Variants in STARD9 observed in about 807,000 individuals in gnomAD.
The protein encoded by STARD9 is StAR related lipid transfer domain containing 9.
Under a neutral mutation model 399.8 loss-of-function variants are expected in STARD9, and 346 were observed. The observed-to-expected ratio is 0.87, with a 90% CI of 0.79 to 0.95. The LOEUF is 0.95. STARD9 is among the 40% of genes least tolerant of loss of function. The pLI is 0.00. For missense variants in STARD9, 5,832 were observed against 5,667.5 expected (o/e 1.03, Z -0.93); for synonymous variants, 2,203 against 2,143.5 (o/e 1.03, Z -0.77).
intron 26 of STARD9, 69 bp downstream of exon 26, chr15:42,695,949 T>TGTGCCTCCTGGAGTTTGGGCAAGACGCC (rs1370670101): frequency 6.8e-7 from 1 of 1,471,022 alleles, no homozygotes; most frequent in African/African-American, 1.5e-5. Flanking sequence ...AGCAGGACGC[T>TGTGCCTCCTGGAGTTTGGGCAAGACGCC]GTGCCTCCTG....
chr15:42,688,847 T>G lies in STARD9; in HGVS notation c.7269T>G (p.Gly2423=), dbSNP rs895097201. ...CCATGGGATCTCATAGTCAATCTGG[T>G]GTACCAGAGAGCATTCCTCTGGGGA... is the stretch of plus-strand genomic sequence containing the variant. ...SMAMGSHSQS[G]VPESIPLGTE... The change falls in exon 23 of 33, where the codon GGT becomes GGG. Residue 2423 remains glycine, a synonymous_variant. Transcript: ENST00000290607. The G allele has an allele frequency of 5.9e-6, 9 of 1,537,184 alleles. No individual in the cohort carries two copies. In the African/African-American group the frequency reaches 9.6e-5, roughly 16 times the overall value.
intron 26 of STARD9, among the ~76,000 whole-genome samples, chr15:42,703,530 A>ATTT (rs35809542): frequency 3.5e-4 from 47 of 135,172 alleles, no homozygotes; most frequent in African/African-American, 9.8e-4. Flanking sequence ...TGCCTGGCTG[A>ATTT]TTTTTTTTTT....
At chr15:42,606,424 C>G (rs560109858) in intron 3 of STARD9, among the ~76,000 whole-genome samples, 1 of 152,188 alleles carries the variant, frequency 6.6e-6, no homozygotes, top group East Asian at 1.9e-4. Flanking sequence ...CTCTATTGGC[C>G]CCTCTCTCTG....
chr15:42,683,615 A>G (rs1012899191), intron 22 of STARD9, among the ~76,000 whole-genome samples: 1 of 152,126 alleles, frequency 6.6e-6, no homozygotes, highest in Non-Finnish European at 1.5e-5. Flanking sequence ...TTTCTCTAAC[A>G]TGGTTCAGCA....
intron 7 of STARD9, among the ~76,000 whole-genome samples, chr15:42,649,387 A>G (rs1000915040): frequency 5.9e-5 from 9 of 152,112 alleles, no homozygotes; most frequent in East Asian, 5.8e-4. Flanking sequence ...TTTCTGATCT[A>G]TCTTCCTGCT....
At chr15:42,651,518 T>A (rs1188952394) in intron 8 of STARD9, among the ~76,000 whole-genome samples, 2 of 152,182 alleles carry the variant, frequency 1.3e-5, no homozygotes, top group Non-Finnish European at 2.9e-5. Context: ...TTGAATCTGC[T>A]ATGAATAACT....
chr15:42,589,885 G>A (rs193064675), intron 3 of STARD9, among the ~76,000 whole-genome samples: 69 of 150,946 alleles, frequency 4.6e-4, no homozygotes, highest in Non-Finnish European at 7.5e-4. Flanking sequence ...GATTACAGGC[G>A]TGAGCCACCA....
chr15:42,718,894 T>A lies in STARD9; in HGVS notation c.13985T>A (p.Val4662Asp), dbSNP rs2061400251. ...GTGGAAGGGAAGGAAGTCACCAGAG[T>A]CATCTACTTGGCCCAGGTGATAAAT... The part of the protein sequence containing the change: ...ITVEGKEVTR[V>D]IYLAQVELGA... Residue 4662 changes from valine (V) to aspartate (D), a missense_variant, in exon 32 of 33, where the codon GTC (valine) becomes GAC (aspartate). This residue lies in a region of STARD9 where 5,828 missense variants were observed against 5,651.1 expected (regional missense o/e 1.03). Transcript: ENST00000290607. 6.5e-7 allele frequency: 1 copy of A among 1,536,950 alleles called. No homozygotes were observed. Among genetic ancestry groups the A allele is most frequent in the African/African-American group, 1.4e-5 (1 of 73,000 alleles).
intron 13 of STARD9, 89 bp from the exon 14 acceptor site, chr15:42,665,164 C>G: frequency 9.7e-7 from 1 of 1,029,822 alleles, no homozygotes; most frequent in Non-Finnish European, 1.4e-6. Context: ...AAGGAGTAAT[C>G]TACCTCTTCC....
At chr15:42,672,354 A>G (rs1013352895) in intron 16 of STARD9, 2 of 152,208 alleles carry the variant, frequency 1.3e-5, no homozygotes, top group Non-Finnish European at 2.9e-5. Flanking sequence ...CACTCCCTAC[A>G]TAAAGAGGCA....
chr15:42,665,690 T>G, intron 14 of STARD9, 96 bp from the exon 15 acceptor site: 1 of 957,322 alleles, frequency 1.0e-6, no homozygotes, highest in Non-Finnish European at 1.6e-6. Context: ...AGTTTTTCCT[T>G]TATCTGCATC....
chr15:42,643,207 G>T (rs1378143140), intron 7 of STARD9, among the ~76,000 whole-genome samples: 13 of 151,778 alleles, frequency 8.6e-5, no homozygotes, highest in Admixed American at 8.5e-4. Flanking sequence ...TTTTGGTTTT[G>T]TTTTTTTGAG....
intron 26 of STARD9, among the ~76,000 whole-genome samples, chr15:42,715,739 C>T (rs1322796036): frequency 6.6e-6 from 1 of 152,116 alleles, no homozygotes; most frequent in Admixed American, 6.5e-5. Flanking sequence ...GAGCTCCTGA[C>T]CTCAGGTGAT....
chr15:42,638,579 T>G (rs10162939), intron 6 of STARD9, 121 bp from the exon 7 acceptor site: 27 of 617,786 alleles, frequency 4.4e-5, no homozygotes, highest in East Asian at 2.1e-4. Flanking sequence ...GGCTTGATCA[T>G]TGCCTTAGAG....
chr15:42,691,561 T>C lies in STARD9; in HGVS notation c.9983T>C (p.Val3328Ala). ...SRSSPTPQFS[V>A]VGSSRSLQEL... Reference sequence around the variant, plus strand: ...TCCTCCCCCACACCACAGTTCTCAGTTGTCGGCTCTTCTCGTTCTCTTCAG... The same window carrying C: ...TCCTCCCCCACACCACAGTTCTCAGCTGTCGGCTCTTCTCGTTCTCTTCAG... The change falls in exon 23 of 33, where the codon GTT (valine) becomes GCT (alanine). Residue 3328 changes from valine to alanine, a missense_variant. Coordinates refer to ENST00000290607, the MANE Select transcript of STARD9 (RefSeq NM_020759.3). 6.5e-7 allele frequency: 1 copy of C among 1,537,256 alleles called. No homozygotes were observed. The highest frequency in any genetic ancestry group is 8.7e-7 in the Non-Finnish European group (1 of 1,146,906).
rs2060516906 is a variant in STARD9, at chr15:42,685,026, T to C, written c.3448T>C (p.Ser1150Pro). 3 of 1,537,182 alleles carry C rather than the reference T, an allele frequency of 2.0e-6. No homozygotes were observed. In the East Asian group the frequency reaches 7.3e-5, roughly 38 times the overall value. Reference sequence around the variant, plus strand: ...TGATGACAGCCAACTATCTGAGGACTCACTGGCTGAGAAGAGGTACCAAAG... The same window carrying C: ...TGATGACAGCCAACTATCTGAGGACCCACTGGCTGAGAAGAGGTACCAAAG... Reference protein sequence around the residue: ...ESDDSQLSEDSLAEKRYQSPK... With the variant: ...ESDDSQLSEDPLAEKRYQSPK... Residue 1150 changes from serine (S) to proline (P), a missense_variant, in exon 23 of 33, where the codon TCA becomes CCA. By Grantham distance (74) the Ser-to-Pro change is moderately conservative. Transcript: ENST00000290607.
intron 16 of STARD9, chr15:42,672,522 G>A (rs931597737): frequency 6.6e-6 from 1 of 152,164 alleles, no homozygotes; most frequent in Non-Finnish European, 1.5e-5. Flanking sequence ...GAAAAGTTTC[G>A]ACCGTTTTCC....
chr15:42,670,519 C>A (rs1017022914), intron 16 of STARD9: 1 of 152,198 alleles, frequency 6.6e-6, no homozygotes, highest in African/African-American at 2.4e-5. Context: ...GAACGTACTT[C>A]CCATGCTCAA....
Position 42,689,649 on chromosome 15 carries a change from C to T in STARD9, c.8071C>T (p.Pro2691Ser). 6.5e-7 allele frequency: 1 copy of T among 1,537,650 alleles called. No homozygotes were observed. The highest frequency in any genetic ancestry group is 8.7e-7 in the Non-Finnish European group (1 of 1,147,010). ...ELRQFAGASE[P>S]FICHSSSSEI... ...GAGGCAGTTCGCGGGAGCAAGTGAACCATTTATATGTCACTCTAGTTCTTC... is the reference window on the plus strand; with the variant it reads ...GAGGCAGTTCGCGGGAGCAAGTGAATCATTTATATGTCACTCTAGTTCTTC... Residue 2691 changes from proline to serine, a missense_variant, in exon 23 of 33, where the codon CCA becomes TCA. Pro to Ser is a moderately conservative substitution (Grantham distance 74). Coordinates refer to ENST00000290607, the MANE Select transcript of STARD9 (RefSeq NM_020759.3).
Sources: allele counts gnomAD v4.1 joint callset (sites outside exome capture counted in the v4.1 genomes callset), GRCh38; gene constraint gnomAD v4.1.1; regional missense constraint gnomAD v4.1.1; transcripts MANE v1.5; gene names NCBI Gene and HGNC (gene_info 2026-07-23, HGNC 2026-07-21).